G3BP2: variants seen among roughly 807,000 people sequenced by gnomAD.
G3BP2 encodes the protein G3BP stress granule assembly factor 2.
G3BP2 carries 11 observed loss-of-function variants against 56.7 expected under a neutral mutation model. The observed-to-expected ratio is 0.19, with a 90% confidence interval of 0.12 to 0.32. G3BP2 has a LOEUF of 0.32. Among genes scored for constraint, G3BP2 ranks in the 10% least tolerant of loss-of-function variants. The probability of loss-of-function intolerance (pLI) is 1.00; values close to 1 mark genes in which losing one functional copy is unlikely to be tolerated. For missense variants in G3BP2, 340 were observed against 610.9 expected (o/e 0.56, Z 4.67); for synonymous variants, 165 against 191.6 (o/e 0.86, Z 1.15).
intron 2 of G3BP2, among the ~76,000 whole-genome samples, chr4:75,660,444 G>T (rs954668983): frequency 6.6e-6 from 1 of 152,046 alleles, no homozygotes; most frequent in Non-Finnish European, 1.5e-5. Context: ...CTGAATACTG[G>T]CTATGGTTAG....
At chr4:75,694,731 T>G in intron 3 of G3BP2, 1 of 972,130 alleles carries the variant, frequency 1.0e-6, no homozygotes, top group Non-Finnish European at 1.2e-6. Flanking sequence ...AGAGCGAGAC[T>G]CTGTCTCGAA....
At chr4:75,700,272 T>A (rs993094772) in intron 3 of G3BP2, among the ~76,000 whole-genome samples, 1 of 151,644 alleles carries the variant, frequency 6.6e-6, no homozygotes, top group Non-Finnish European at 1.5e-5. Flanking sequence ...TAGGATGGTC[T>A]TGATCTCCTG....
upstream of G3BP2, among the ~76,000 whole-genome samples, chr4:75,675,737 A>G (rs2149058352): frequency 6.6e-6 from 1 of 152,318 alleles, no homozygotes; most frequent in South Asian, 2.1e-4. Context: ...GGTTGCGGTG[A>G]GCTGAGATCG....
At chr4:75,676,671 T>G (rs1246298065), upstream of G3BP2, among the ~76,000 whole-genome samples, 1 of 152,244 alleles carries the variant, frequency 6.6e-6, no homozygotes, top group African/African-American at 2.4e-5. Context: ...TCACTGTTAC[T>G]GCTGCTATAG....
At chr4:75,722,446 A>G (rs1720212352) in intron 1 of G3BP2, among the ~76,000 whole-genome samples, 1 of 152,188 alleles carries the variant, frequency 6.6e-6, no homozygotes, top group African/African-American at 2.4e-5. Flanking sequence ...ACTCTTTTTA[A>G]TTATTAAATA....
At chr4:75,671,078 G>A (rs1733444843) in intron 1 of G3BP2, among the ~76,000 whole-genome samples, 1 of 152,166 alleles carries the variant, frequency 6.6e-6, no homozygotes, top group Non-Finnish European at 1.5e-5. Context: ...TAATTCTATT[G>A]CTTCTGAAGG....
At chr4:75,660,151 A>G (rs1308831555) in intron 2 of G3BP2, among the ~76,000 whole-genome samples, 2 of 152,174 alleles carry the variant, frequency 1.3e-5, no homozygotes, top group African/African-American at 2.4e-5. Flanking sequence ...ATGATGGTGT[A>G]GGGCCTTATT....
rs1731027657 is a variant in G3BP2, at chr4:75,643,673, T to C, written c.*1757A>G. Reference sequence around the variant, plus strand: ...ATGCATCATTTGCTAGTTTACTAAATAGCAAACAGTTGCATAATTCAGAAC... The same window carrying C: ...ATGCATCATTTGCTAGTTTACTAAACAGCAAACAGTTGCATAATTCAGAAC... On this transcript the variant is annotated 3_prime_UTR_variant, in exon 12 of 12. Transcript: ENST00000359707. 1 of 152,624 alleles carries C rather than the reference T, an allele frequency of 6.6e-6. No individual in the cohort carries two copies. The highest frequency in any genetic ancestry group is 2.1e-4 in the South Asian group (1 of 4,832). The allele number at this position is 152,624 out of a possible 1,614,324, so 9.5% of individuals were successfully genotyped here.
At chr4:75,655,961 T>C (rs1031273658) in intron 5 of G3BP2, 91 bp from the exon 6 acceptor site, 2 of 712,284 alleles carry the variant, frequency 2.8e-6, no homozygotes, top group South Asian at 1.7e-5. Flanking sequence ...AGTGGTATGA[T>C]AGCAAAAAAG....
At chr4:75,675,265 G>C (rs1167523520), upstream of G3BP2, among the ~76,000 whole-genome samples, 2 of 152,088 alleles carry the variant, frequency 1.3e-5, no homozygotes. Context: ...GAGCTCTTCC[G>C]TGCAATGCTA....
At chr4:75,674,143 G>A (rs1733736828), upstream of G3BP2, among the ~76,000 whole-genome samples, 1 of 152,196 alleles carries the variant, frequency 6.6e-6, no homozygotes, top group African/African-American at 2.4e-5. Flanking sequence ...AGACACTGGT[G>A]ACCTTGTTTC....
At chr4:75,723,604 C>T (rs149868057) in intron 1 of G3BP2, among the ~76,000 whole-genome samples, 90 of 152,300 alleles carry the variant, frequency 5.9e-4, no homozygotes, top group Middle Eastern at 6.8e-3. Context: ...CTCTGTCTAG[C>T]TTAGGCAATT....
intron 1 of G3BP2, among the ~76,000 whole-genome samples, chr4:75,667,214 G>A (rs963756570): frequency 5.9e-5 from 9 of 151,268 alleles, no homozygotes; most frequent in Admixed American, 2.0e-4. Context: ...GCCTGAGCCC[G>A]GGAAGTCAAG....
At chr4:75,717,211 G>C (rs553248397) in intron 3 of G3BP2, among the ~76,000 whole-genome samples, 39 of 152,246 alleles carry the variant, frequency 2.6e-4, no homozygotes, top group Non-Finnish European at 5.1e-4. Flanking sequence ...GGGAGGTTGA[G>C]GCGGGTGGGT....
At chr4:75,650,390 T>C (rs1183723742) in intron 8 of G3BP2, among the ~76,000 whole-genome samples, 4 of 129,568 alleles carry the variant, frequency 3.1e-5, no homozygotes, top group African/African-American at 1.2e-4. Context: ...CAGATCATTG[T>C]ACTCCAGCCT....
At chr4:75,679,059 C>G (rs927204095) in intron 3 of G3BP2, among the ~76,000 whole-genome samples, 3 of 152,206 alleles carry the variant, frequency 2.0e-5, no homozygotes, top group Admixed American at 6.5e-5. Flanking sequence ...ATTTCAATTT[C>G]ACAGCAATTC....
chr4:75,722,666 A>T (rs1476170349), intron 1 of G3BP2, among the ~76,000 whole-genome samples: 4 of 152,352 alleles, frequency 2.6e-5, no homozygotes, highest in African/African-American at 9.6e-5. Flanking sequence ...AAATGCTCCC[A>T]TGGAAAATGT....
chr4:75,705,897 C>T (rs935535553), intron 3 of G3BP2, among the ~76,000 whole-genome samples: 1 of 152,132 alleles, frequency 6.6e-6, no homozygotes, highest in African/African-American at 2.4e-5. Context: ...AGCATAGGAA[C>T]AGTGACTGGA....
chr4:75,646,537 C>T (rs1578374391), intron 10 of G3BP2, 81 bp from the exon 11 acceptor site: 2 of 848,978 alleles, frequency 2.4e-6, no homozygotes, highest in East Asian at 2.5e-5. Flanking sequence ...GGATGAATAT[C>T]GTTATCTCCC....
Sources: allele counts gnomAD v4.1 joint callset (sites outside exome capture counted in the v4.1 genomes callset), GRCh38; gene constraint gnomAD v4.1.1; transcripts MANE v1.5; gene names NCBI Gene and HGNC (gene_info 2026-07-23, HGNC 2026-07-21).